The following CHCHD3 variants were observed in gnomAD, a reference collection of about 807,000 sequenced individuals.
CHCHD3 encodes the protein coiled-coil-helix-coiled-coil-helix domain containing 3, also known as MICOS complex subunit MIC19.
CHCHD3 carries 20 observed loss-of-function variants against 38.2 expected under a neutral mutation model. The observed-to-expected ratio is 0.52, with a 90% CI of 0.37 to 0.76. CHCHD3 has a LOEUF of 0.76. CHCHD3 is among the 30% of genes least tolerant of loss of function. The probability of loss-of-function intolerance (pLI) is 0.00; values close to 1 mark genes in which losing one functional copy is unlikely to be tolerated. For synonymous variants in CHCHD3, 82 were observed against 100.0 expected, an observed-to-expected ratio of 0.82 and a Z score of 1.07; for missense variants, 245 against 279.2, an observed-to-expected ratio of 0.88 and a Z score of 0.87.
intron 4 of CHCHD3, among the ~76,000 whole-genome samples, chr7:132,955,037 T>A (rs920744796): frequency 6.6e-6 from 1 of 152,084 alleles, no homozygotes; most frequent in Non-Finnish European, 1.5e-5. Context: ...TAACTGCAAC[T>A]GGGGAAGAGT....
Position 132,985,700 on chromosome 7 carries a change from C to T in CHCHD3, c.252-10414G>A, listed in dbSNP as rs1304707615. 9.9e-5 allele frequency among the ~76,000 whole-genome samples: 9 copies of T among 90,652 alleles called. 2 individuals carry two copies. Among genetic ancestry groups the T allele is most frequent in the Non-Finnish European group, 1.9e-4 (8 of 42,320 alleles). 59.5% of individuals were successfully genotyped at this position (90,652 alleles called of 152,430 possible). A position where few individuals can be genotyped will look rare whatever the true frequency, so the allele number is the denominator to read the frequency against. On this transcript the variant is annotated intron_variant, in intron 3 of 7. Coordinates refer to ENST00000262570, the MANE Select transcript of CHCHD3 (RefSeq NM_017812.4). ...AGGTGGGGGGGGGGTCAGCCCCCCG[C>T]CCGGCCAGCCGCCCCATCCGGGAGG...
In CHCHD3 at chr7:133,035,651, C is replaced by T. The variant is rs1022620524; in HGVS notation, c.170-11024G>A. 2 of 1,611,396 alleles carry T rather than the reference C, an allele frequency of 1.2e-6. No homozygotes were observed. The highest frequency in any genetic ancestry group is 2.7e-5 in the African/African-American group (2 of 74,894). ...CCCACTGCACCACCTGGGCTGCTGC[C>T]TCTGGAGTACTTCCCCGCAGCTCCT... On this transcript the variant is annotated intron_variant, in intron 2 of 7. Transcript: ENST00000262570. The surrounding 1 kb of genome is among the most constrained non-coding windows in gnomAD (Gnocchi z 4.7).
At position 132,885,634 on chromosome 7, in the gene CHCHD3, T is replaced by C. The variant is rs201352617; in HGVS notation, c.453+28A>G. 20 of 1,502,394 alleles carry C rather than the reference T, an allele frequency of 1.3e-5. No homozygotes were observed. In the East Asian group the frequency reaches 2.1e-4, roughly 16 times the overall value. 93.1% of individuals were successfully genotyped at this position (1,502,394 alleles called of 1,614,324 possible). A position where few individuals can be genotyped will look rare whatever the true frequency, so the allele number is the denominator to read the frequency against. The stretch of plus-strand genomic sequence containing the variant: ...TACAAGAAAACAGCAGATGTGGTAA[T>C]AGAATCAATGATAAAAAATAGTCAT... On this transcript the variant is annotated intron_variant, in intron 5 of 7. Transcript: ENST00000262570.
At chr7:132,990,006 C>T (rs1473349178) in intron 3 of CHCHD3, among the ~76,000 whole-genome samples, 1 of 152,074 alleles carries the variant, frequency 6.6e-6, no homozygotes, top group Non-Finnish European at 1.5e-5. Context: ...AACCCCAACT[C>T]TACTAAAAAT....
At chr7:133,026,054 G>A (rs1245740789) in intron 2 of CHCHD3, among the ~76,000 whole-genome samples, 6 of 152,138 alleles carry the variant, frequency 3.9e-5, no homozygotes, top group African/African-American at 1.2e-4. Context: ...GCAGCATCCA[G>A]TGATACCATC....
At chr7:132,853,476 C>G (rs1808268218) in intron 5 of CHCHD3, among the ~76,000 whole-genome samples, 1 of 151,826 alleles carries the variant, frequency 6.6e-6, no homozygotes, top group Non-Finnish European at 1.5e-5. Flanking sequence ...ACAAAAATTA[C>G]CCGGGCATGG....
intron 2 of CHCHD3, among the ~76,000 whole-genome samples, chr7:133,061,833 G>A (rs1354687358): frequency 5.3e-5 from 8 of 152,180 alleles, no homozygotes; most frequent in African/African-American, 1.9e-4. Context: ...CGGTGATAAA[G>A]TTTGGAGATC....
chr7:132,834,554 C>T (rs1248037797), intron 6 of CHCHD3, among the ~76,000 whole-genome samples: 1 of 152,118 alleles, frequency 6.6e-6, no homozygotes, highest in Non-Finnish European at 1.5e-5. Context: ...GAGGGAGGGT[C>T]CAAACCAGCC....
intron 5 of CHCHD3, among the ~76,000 whole-genome samples, chr7:132,859,164 G>T (rs1808420257): frequency 6.6e-6 from 1 of 152,108 alleles, no homozygotes; most frequent in Non-Finnish European, 1.5e-5. Context: ...GTAGGAGGTG[G>T]CATTTAGCCT....
intron 2 of CHCHD3, among the ~76,000 whole-genome samples, chr7:133,054,664 G>A (rs1814263419): frequency 6.6e-6 from 1 of 152,138 alleles, no homozygotes; most frequent in Non-Finnish European, 1.5e-5. Context: ...AATCAGCAGT[G>A]ACTCCCTATC....
intron 4 of CHCHD3, among the ~76,000 whole-genome samples, chr7:132,889,440 T>C (rs942463520): frequency 5.3e-5 from 8 of 152,084 alleles, no homozygotes; most frequent in Admixed American, 1.3e-4. Context: ...AAATTTAATT[T>C]TGAAGAGCTG....
At chr7:132,804,210 A>T (rs77646472) in intron 6 of CHCHD3, among the ~76,000 whole-genome samples, 2,554 of 152,168 alleles carry the variant, frequency 0.017, 77 homozygotes, top group African/African-American at 0.058. Context: ...CCCAGAAATA[A>T]TCCTTCCCTA....
intron 5 of CHCHD3, among the ~76,000 whole-genome samples, chr7:132,856,585 T>C (rs1808347393): frequency 6.6e-6 from 1 of 152,204 alleles, no homozygotes; most frequent in Non-Finnish European, 1.5e-5. Context: ...CGTCGCCTTA[T>C]TGCTCAGTGT....
At chr7:132,934,342 G>A (rs1428723450) in intron 4 of CHCHD3, among the ~76,000 whole-genome samples, 1 of 152,066 alleles carries the variant, frequency 6.6e-6, no homozygotes, top group Non-Finnish European at 1.5e-5. Context: ...ATCCTATCGT[G>A]GTCCTGGGCT....
chr7:132,996,169 T>C (rs145803791), intron 3 of CHCHD3, among the ~76,000 whole-genome samples: 1 of 152,366 alleles, frequency 6.6e-6, no homozygotes, highest in African/African-American at 2.4e-5. Context: ...TGCTCCATGT[T>C]CTGATTCAAA....
intron 5 of CHCHD3, among the ~76,000 whole-genome samples, chr7:132,848,356 T>C (rs191282276): frequency 2.6e-5 from 4 of 152,346 alleles, no homozygotes; most frequent in Non-Finnish European, 5.9e-5. Flanking sequence ...CAGCTAGATG[T>C]AGGCAAGTAT....
At chr7:132,966,535 G>A (rs1340662379) in intron 4 of CHCHD3, among the ~76,000 whole-genome samples, 2 of 152,160 alleles carry the variant, frequency 1.3e-5, no homozygotes, top group South Asian at 4.1e-4. Flanking sequence ...CGAAAATGAA[G>A]CAGGCGTCAT....
intron 3 of CHCHD3, among the ~76,000 whole-genome samples, chr7:133,016,606 G>T (rs1303529639): frequency 6.6e-6 from 1 of 152,172 alleles, no homozygotes; most frequent in African/African-American, 2.4e-5. Context: ...GCCAATGTTT[G>T]GAAGTATTAT....
intron 2 of CHCHD3, among the ~76,000 whole-genome samples, chr7:133,048,101 G>A (rs1292527749): frequency 2.0e-5 from 3 of 149,736 alleles, no homozygotes; most frequent in African/African-American, 4.9e-5. Context: ...AAACAACAAC[G>A]ACAACAACAA....
Sources: allele counts gnomAD v4.1 joint callset (sites outside exome capture counted in the v4.1 genomes callset), GRCh38; gene constraint gnomAD v4.1.1; non-coding constraint Gnocchi (gnomAD v3.1); transcripts MANE v1.5; gene names NCBI Gene and HGNC (gene_info 2026-07-23, HGNC 2026-07-21).